The following SLC30A10 variants were observed in gnomAD, a reference collection of about 807,000 sequenced individuals.
The protein encoded by SLC30A10 is calcium/manganese antiporter SLC30A10.
A neutral mutation model predicts 21.7 loss-of-function variants in SLC30A10; 8 were observed. That is an observed-to-expected ratio of 0.37 (90% CI 0.22 to 0.67). The LOEUF is 0.67. SLC30A10 is among the 30% of genes least tolerant of loss of function. The pLI is 0.58. For synonymous variants in SLC30A10, 272 were observed against 279.4 expected (o/e 0.97, Z 0.26); for missense variants, 521 against 642.5 (o/e 0.81, Z 2.04).
rs531545790 is a variant in SLC30A10 at position 219,928,527 on chromosome 1, T to A, written c.-87A>T. On this transcript the variant is annotated 5_prime_UTR_variant, in exon 1 of 4. Coordinates refer to ENST00000366926, the MANE Select transcript of SLC30A10 (RefSeq NM_018713.3). The surrounding 1 kb of genome is among the most constrained non-coding windows in gnomAD (Gnocchi z 6.3). ...CCACAGGTGGGGGGCGCGGCGCGGATCCGTGAGGCCCGGTACCCGCCTCCC... is the reference window on the plus strand; with the variant it reads ...CCACAGGTGGGGGGCGCGGCGCGGAACCGTGAGGCCCGGTACCCGCCTCCC... The A allele has an allele frequency of 5.4e-4, 685 of 1,257,848 alleles. 3 individuals are homozygous for A. In the African/African-American group the frequency reaches 9.8e-3, roughly 18 times the overall value. The allele number at this position is 1,257,848 out of a possible 1,614,324, so 77.9% of individuals were successfully genotyped here.
intron 2 of SLC30A10, among the ~76,000 whole-genome samples, chr1:219,925,463 G>A (rs558109496): frequency 5.0e-4 from 76 of 151,240 alleles, no homozygotes; most frequent in Admixed American, 5.3e-4. Flanking sequence ...GAACCTGGTA[G>A]GCAGAGGTTG....
intron 1 of SLC30A10, among the ~76,000 whole-genome samples, chr1:219,946,725 AGTT>A (rs1292702073): frequency 6.6e-6 from 1 of 151,968 alleles, no homozygotes; most frequent in Non-Finnish European, 1.5e-5. Flanking sequence ...CTGCTCTTCC[AGTT>A]GTTGTGCTCT....
intron 2 of SLC30A10, among the ~76,000 whole-genome samples, chr1:219,925,325 G>A (rs1659787486): frequency 6.6e-6 from 1 of 151,992 alleles, no homozygotes; most frequent in Non-Finnish European, 1.5e-5. Context: ...CCTGAGGTCA[G>A]GAGTTCGAGA....
chr1:219,926,980 A>G (rs746661950), intron 2 of SLC30A10, 48 bp downstream of exon 2: 4 of 1,413,318 alleles, frequency 2.8e-6, no homozygotes, highest in Admixed American at 1.7e-5. Context: ...AACACAGTCC[A>G]TGTGTGTCAT....
At chr1:219,919,855 T>C (rs1478459383) in intron 2 of SLC30A10, among the ~76,000 whole-genome samples, 1 of 151,324 alleles carries the variant, frequency 6.6e-6, no homozygotes, top group Non-Finnish European at 1.5e-5. Flanking sequence ...AGAAAGCATA[T>C]ATATTAAGAA....
upstream of SLC30A10, among the ~76,000 whole-genome samples, chr1:219,929,425 G>A (rs111524443): frequency 3.9e-5 from 6 of 152,150 alleles, no homozygotes; most frequent in African/African-American, 1.4e-4. Flanking sequence ...ATTCTTCATT[G>A]AAGAGAATAT....
chr1:219,953,997 C>T lies in SLC30A10; in HGVS notation n.80+4571G>A, dbSNP rs571260492. 1.5e-3 allele frequency among the ~76,000 whole-genome samples: 226 copies of T among 152,118 alleles called. 1 individual carries two copies. Among genetic ancestry groups the T allele is most frequent in the Admixed American group, 0.01 (153 of 15,268 alleles). On this transcript the variant is annotated intron_variant and non_coding_transcript_variant, in intron 1 of 8. Coordinates refer to the SLC30A10 transcript ENST00000484239. ...CTGGGATTACAGGCGTGAGCCACCG[C>T]GCCCGGCCTCAAATTTTATTTACTC...
intron 1 of SLC30A10, among the ~76,000 whole-genome samples, chr1:219,945,268 T>C (rs2102544399): frequency 6.6e-6 from 1 of 152,312 alleles, no homozygotes. Context: ...GAACTACACT[T>C]GTGACAAAAA....
intron 1 of SLC30A10, among the ~76,000 whole-genome samples, chr1:219,943,852 C>A (rs1215962323): frequency 1.3e-5 from 2 of 152,158 alleles, no homozygotes; most frequent in African/African-American, 4.8e-5. Context: ...GTAATCCCAG[C>A]ACTTTGGGAG....
At position 219,927,048 on chromosome 1, in the gene SLC30A10, G is replaced by A; in HGVS notation, c.698C>T (p.Ser233Phe). 6.2e-7 allele frequency: 1 copy of A among 1,613,760 alleles called. No homozygotes were observed. The highest frequency in any genetic ancestry group is 1.1e-5 in the South Asian group (1 of 91,034). ...CCTACCTCTGATATTCAGAGCTTCA[G>A]ACTTTTTCTCTTTTTTCATCATGTC... Reference protein sequence around the residue: ...PEDMMKKEKKSEALNIRGVLL... With the variant: ...PEDMMKKEKKFEALNIRGVLL... The change falls in exon 2 of 4, where the codon TCT (serine) becomes TTT (phenylalanine). Residue 233 changes from serine to phenylalanine, a missense_variant. Transcript: ENST00000366926.
chr1:219,934,105 G>C (rs574447807), intron 1 of SLC30A10, among the ~76,000 whole-genome samples: 7 of 152,196 alleles, frequency 4.6e-5, no homozygotes, highest in African/African-American at 1.7e-4. Context: ...TGGCTAACAC[G>C]GTGAAACCTC....
chr1:219,922,939 C>T (rs1343662341), intron 2 of SLC30A10, among the ~76,000 whole-genome samples: 2 of 152,176 alleles, frequency 1.3e-5, no homozygotes, highest in Non-Finnish European at 2.9e-5. Context: ...AGAACTCAAA[C>T]CAGATCTGCC....
intron 1 of SLC30A10, among the ~76,000 whole-genome samples, chr1:219,958,164 A>T (rs1476646364): frequency 1.3e-5 from 2 of 150,728 alleles, no homozygotes; most frequent in Non-Finnish European, 2.9e-5. Context: ...TTTTATGGAG[A>T]CATTAACTTT....
At chr1:219,946,090 T>A (rs1660184055) in intron 1 of SLC30A10, among the ~76,000 whole-genome samples, 1 of 152,230 alleles carries the variant, frequency 6.6e-6, no homozygotes, top group African/African-American at 2.4e-5. Flanking sequence ...TCAAAGATAT[T>A]TAATTTTGAA....
At chr1:219,934,116 G>A (rs940853319) in intron 1 of SLC30A10, among the ~76,000 whole-genome samples, 1 of 152,294 alleles carries the variant, frequency 6.6e-6, no homozygotes, top group South Asian at 2.1e-4. Context: ...GTGAAACCTC[G>A]TCTGTACTAA....
At position 219,925,649 on chromosome 1, in the gene SLC30A10, ATATTTTTTTTT is replaced by A. The variant is rs1248491501; in HGVS notation, c.718+1368_718+1378del. Among the ~76,000 whole-genome samples, 7 of 65,934 alleles carry A rather than the reference ATATTTTTTTTT, an allele frequency of 1.1e-4. 1 individual carries two copies. The highest frequency in any genetic ancestry group is 5.0e-5 in the Non-Finnish European group (2 of 40,026). The allele number at this position is 65,934 out of a possible 152,430, so 43.3% of individuals were successfully genotyped here. A position where few individuals can be genotyped will look rare whatever the true frequency, so the allele number is the denominator to read the frequency against. ...TGTGTGTACATATATATATATATATATATTTTTTTTTTTTTTTTTTTTTTGAGACAGAATCT... is the reference window on the plus strand; with the variant it reads ...TGTGTGTACATATATATATATATATATTTTTTTTTTTTTGAGACAGAATCT... On this transcript the variant is annotated intron_variant, in intron 2 of 3. Transcript: ENST00000366926.
intron 2 of SLC30A10, among the ~76,000 whole-genome samples, chr1:219,925,649 A>ATG (rs1414820217): frequency 3.0e-5 from 2 of 65,948 alleles, no homozygotes; most frequent in Non-Finnish European, 5.0e-5. Flanking sequence ...ATATATATAT[A>ATG]TATTTTTTTT....
chr1:219,941,377 G>A (rs1660118073), intron 1 of SLC30A10, among the ~76,000 whole-genome samples: 1 of 152,208 alleles, frequency 6.6e-6, no homozygotes, highest in African/African-American at 2.4e-5. Flanking sequence ...GGTCTAAGCA[G>A]TGCTAGAGCT....
At chr1:219,949,593 T>C (rs1231616662) in intron 1 of SLC30A10, among the ~76,000 whole-genome samples, 1 of 151,878 alleles carries the variant, frequency 6.6e-6, no homozygotes. Flanking sequence ...AACATCACAT[T>C]CTGGGGACTG....
Sources: gnomAD v4.1 joint callset for allele counts (sites outside exome capture counted in the v4.1 genomes callset) on GRCh38, gnomAD v4.1.1 for gene constraint, Gnocchi (gnomAD v3.1) non-coding constraint, MANE v1.5 for transcripts, NCBI Gene and HGNC (gene_info 2026-07-23, HGNC 2026-07-21) for gene names.